Variants in IL1RAPL2 observed in about 807,000 individuals in gnomAD.
IL1RAPL2 encodes X-linked interleukin-1 receptor accessory protein-like 2.
IL1RAPL2 carries 3 observed loss-of-function variants against 44.1 expected under a neutral mutation model. The observed-to-expected ratio is 0.07, with a 90% CI of 0.03 to 0.18. The LOEUF (loss-of-function observed/expected upper bound fraction) is 0.18. Ranked by LOEUF, IL1RAPL2 falls within the 10% of genes least tolerant of loss-of-function variation. The pLI is 1.00. For missense variants in IL1RAPL2, 391 were observed against 496.4 expected (o/e 0.79, Z 2.02); for synonymous variants, 181 against 178.8 (o/e 1.01, Z -0.10).
intron 5 of IL1RAPL2, among the ~76,000 whole-genome samples, chrX:105,294,282 C>G (rs984163426): frequency 8.9e-6 from 1 of 112,402 alleles, no homozygotes; most frequent in Non-Finnish European, 1.9e-5. Flanking sequence ...TACTATCATG[C>G]TTAATATAAT....
At chrX:104,897,080 C>T (rs755932414) in intron 2 of IL1RAPL2, among the ~76,000 whole-genome samples, 1 of 111,829 alleles carries the variant, frequency 8.9e-6, no homozygotes, top group South Asian at 3.8e-4. Flanking sequence ...GCTTCGTTCT[C>T]GAAGTCAGCG....
intron 5 of IL1RAPL2, among the ~76,000 whole-genome samples, chrX:105,343,880 C>CTTTTT (rs755496552): frequency 8.0e-5 from 8 of 100,459 alleles, no homozygotes; most frequent in African/African-American, 1.1e-4. Context: ...TCAAAGTTTT[C>CTTTTT]TTTTTTTTTT....
At chrX:105,562,512 A>AAC (rs55720100) in intron 6 of IL1RAPL2, among the ~76,000 whole-genome samples, 16,716 of 91,119 alleles carry the variant, frequency 0.18, 1,353 homozygotes, top group African/African-American at 0.27. Flanking sequence ...ATTGAAAATA[A>AAC]ACACACACAC....
At chrX:105,549,803 C>T (rs1194236787) in intron 6 of IL1RAPL2, among the ~76,000 whole-genome samples, 1 of 111,685 alleles carries the variant, frequency 9.0e-6, no homozygotes, top group African/African-American at 3.3e-5. Flanking sequence ...TCTTAACTCC[C>T]GAAGCCCAGA....
chrX:105,752,365 C>T (rs1379981548), intron 9 of IL1RAPL2, among the ~76,000 whole-genome samples: 1 of 112,245 alleles, frequency 8.9e-6, no homozygotes, highest in Non-Finnish European at 1.9e-5. Context: ...GAACAGGATT[C>T]GAATCAGATT....
chrX:105,153,567 A>C (rs2033245592), intron 2 of IL1RAPL2, among the ~76,000 whole-genome samples: 1 of 112,173 alleles, frequency 8.9e-6, no homozygotes, highest in East Asian at 2.8e-4. Context: ...GGAGGTCCTG[A>C]GAACATGTGT....
chrX:105,132,351 A>G (rs909422135), intron 2 of IL1RAPL2, among the ~76,000 whole-genome samples: 4 of 110,780 alleles, frequency 3.6e-5, no homozygotes, highest in Non-Finnish European at 7.6e-5. Context: ...TTTATTGAAA[A>G]TGGTGGTTAA....
chrX:105,504,515 T>C (rs2036417644), intron 6 of IL1RAPL2, among the ~76,000 whole-genome samples: 1 of 111,649 alleles, frequency 9.0e-6, no homozygotes, highest in Non-Finnish European at 1.9e-5. Context: ...CATCAGTTTA[T>C]AGATCAGAAA....
intron 2 of IL1RAPL2, among the ~76,000 whole-genome samples, chrX:104,748,361 AT>A (rs1470147212): frequency 8.9e-6 from 1 of 111,872 alleles, no homozygotes; most frequent in African/African-American, 3.2e-5. Context: ...AAAGAAAAAA[AT>A]GATAATAATT....
intron 5 of IL1RAPL2, among the ~76,000 whole-genome samples, chrX:105,338,244 C>T (rs2035043912): frequency 9.0e-6 from 1 of 111,663 alleles, no homozygotes; most frequent in Admixed American, 9.5e-5. Context: ...GAGGACTTTG[C>T]CTTAGTTGAT....
intron 2 of IL1RAPL2, among the ~76,000 whole-genome samples, chrX:104,854,404 C>T (rs961319208): frequency 1.1e-3 from 122 of 112,017 alleles, no homozygotes; most frequent in African/African-American, 3.7e-3. Flanking sequence ...TGAAATGTGA[C>T]ATTGTTCCAT....
intron 2 of IL1RAPL2, among the ~76,000 whole-genome samples, chrX:104,924,914 G>T (rs1222070504): frequency 1.8e-5 from 2 of 110,344 alleles, no homozygotes; most frequent in Non-Finnish European, 3.8e-5. Flanking sequence ...TTAAAAGTTG[G>T]TTTTTTAAAA....
chrX:104,920,799 G>T (rs1924614923), intron 2 of IL1RAPL2, among the ~76,000 whole-genome samples: 1 of 110,241 alleles, frequency 9.1e-6, no homozygotes, highest in Non-Finnish European at 1.9e-5. Context: ...CACTAAAAAA[G>T]GAGAGATTAA....
chrX:105,433,780 C>T (rs900679131), intron 5 of IL1RAPL2, among the ~76,000 whole-genome samples: 1 of 111,228 alleles, frequency 9.0e-6, no homozygotes, highest in Admixed American at 9.6e-5. Context: ...TACTCACCTT[C>T]TACCTCTTGT....
intron 1 of IL1RAPL2, among the ~76,000 whole-genome samples, chrX:104,627,187 T>C (rs1185271854): frequency 9.1e-6 from 1 of 109,401 alleles, no homozygotes; most frequent in Non-Finnish European, 1.9e-5. Context: ...TGAATTTGTC[T>C]CTTTAAAACA....
At chrX:105,085,009 T>C (rs2032462022) in intron 2 of IL1RAPL2, among the ~76,000 whole-genome samples, 1 of 112,000 alleles carries the variant, frequency 8.9e-6, no homozygotes, top group South Asian at 3.7e-4. Context: ...CCTGCTGCCA[T>C]GTAAGACGTG....
chrX:105,087,570 G>A (rs547807001), intron 2 of IL1RAPL2, among the ~76,000 whole-genome samples: 26 of 112,039 alleles, frequency 2.3e-4, no homozygotes, highest in Middle Eastern at 4.7e-3. Flanking sequence ...AAGGATAAAG[G>A]CAAGGAGCAG....
At chrX:105,109,854 G>A (rs1264664139) in intron 2 of IL1RAPL2, among the ~76,000 whole-genome samples, 2 of 112,148 alleles carry the variant, frequency 1.8e-5, no homozygotes, top group Non-Finnish European at 3.8e-5. Context: ...TTTAATTTAC[G>A]AGAGAGCAAA....
chrX:105,181,023 C>G (rs2033526127), intron 2 of IL1RAPL2, among the ~76,000 whole-genome samples: 1 of 111,768 alleles, frequency 8.9e-6, no homozygotes, highest in Non-Finnish European at 1.9e-5. Context: ...CATTATTGTT[C>G]TATTCAGGTT....
Sources: gnomAD v4.1 joint callset for allele counts (sites outside exome capture counted in the v4.1 genomes callset) on GRCh38, gnomAD v4.1.1 for gene constraint, MANE v1.5 for transcripts, NCBI Gene and HGNC (gene_info 2026-07-23, HGNC 2026-07-21) for gene names.